Variants in CNBD1 observed in about 807,000 individuals in gnomAD.
CNBD1 encodes the protein cyclic nucleotide binding domain containing 1.
Under a neutral mutation model 54.4 loss-of-function variants are expected in CNBD1, and 71 were observed. That is an observed-to-expected ratio of 1.30 (90% CI 1.08 to 1.59). The LOEUF (loss-of-function observed/expected upper bound fraction) is 1.59, where lower values mean the gene tolerates loss of function less well. CNBD1 is among the 40% of genes most tolerant of loss of function. The probability of loss-of-function intolerance (pLI) is 0.00; values close to 1 mark genes in which losing one functional copy is unlikely to be tolerated. For missense variants in CNBD1, 659 were observed against 518.0 expected, an observed-to-expected ratio of 1.27 and a Z score of -2.64; for synonymous variants, 182 against 170.7, an observed-to-expected ratio of 1.07 and a Z score of -0.51.
intron 8 of CNBD1, among the ~76,000 whole-genome samples, chr8:87,314,500 G>C (rs1212507806): frequency 6.6e-6 from 1 of 151,834 alleles, no homozygotes; most frequent in African/African-American, 2.4e-5. Context: ...AAAGAAGTCA[G>C]CTACATTCTT....
intron 8 of CNBD1, among the ~76,000 whole-genome samples, chr8:87,346,912 G>A (rs1377368606): frequency 6.6e-6 from 1 of 152,148 alleles, no homozygotes; most frequent in African/African-American, 2.4e-5. Context: ...CCAATATCAT[G>A]AGTGAGAAAT....
chr8:87,045,834 C>G (rs34584589), intron 4 of CNBD1, among the ~76,000 whole-genome samples: 15,989 of 150,426 alleles, frequency 0.11, 1,577 homozygotes, highest in African/African-American at 0.27. Context: ...GAGGTCAGGA[C>G]ATTGAGACCA....
intron 4 of CNBD1, among the ~76,000 whole-genome samples, chr8:86,964,903 A>G (rs1563839932): frequency 6.6e-6 from 1 of 152,134 alleles, no homozygotes; most frequent in Non-Finnish European, 1.5e-5. Context: ...AAAATAGTCC[A>G]AGGTCCCTTC....
chr8:87,015,852 G>A (rs924650900), intron 4 of CNBD1, among the ~76,000 whole-genome samples: 3 of 151,720 alleles, frequency 2.0e-5, no homozygotes, highest in African/African-American at 4.8e-5. Context: ...GTGGTGGTGG[G>A]TACCTGTAAT....
intron 4 of CNBD1, among the ~76,000 whole-genome samples, chr8:87,012,609 G>A (rs1255301367): frequency 6.6e-6 from 1 of 152,032 alleles, no homozygotes; most frequent in Non-Finnish European, 1.5e-5. Flanking sequence ...ACCCTTTTAA[G>A]TCCTATAAAA....
intron 6 of CNBD1, among the ~76,000 whole-genome samples, chr8:87,248,235 G>A (rs1200468913): frequency 6.6e-6 from 1 of 152,156 alleles, no homozygotes; most frequent in Non-Finnish European, 1.5e-5. Flanking sequence ...TCTAGCAATT[G>A]TGCCTCAATA....
At chr8:87,268,766 T>A (rs905603911) in intron 6 of CNBD1, among the ~76,000 whole-genome samples, 4 of 152,150 alleles carry the variant, frequency 2.6e-5, no homozygotes, top group African/African-American at 7.2e-5. Context: ...TTGCCCATTT[T>A]TAATGGGGTT....
At chr8:87,127,903 A>G (rs1442188715) in intron 4 of CNBD1, among the ~76,000 whole-genome samples, 2 of 152,088 alleles carry the variant, frequency 1.3e-5, no homozygotes, top group African/African-American at 4.8e-5. Context: ...TCATGTCCCA[A>G]AGTTGCCTTT....
intron 2 of CNBD1, among the ~76,000 whole-genome samples, chr8:87,410,281 A>G (rs1337201872): frequency 1.3e-5 from 2 of 152,190 alleles, no homozygotes; most frequent in Non-Finnish European, 2.9e-5. Flanking sequence ...TTTTCAAGTC[A>G]TATTATTTAA....
At chr8:87,147,704 AT>A in intron 4 of CNBD1, among the ~76,000 whole-genome samples, 1 of 152,112 alleles carries the variant, frequency 6.6e-6, no homozygotes, top group South Asian at 2.1e-4. Context: ...GATTTAGCCT[AT>A]TTTTTTAGTA....
intron 4 of CNBD1, among the ~76,000 whole-genome samples, chr8:87,083,587 T>TTC (rs1811040332): frequency 1.0e-5 from 1 of 96,958 alleles, no homozygotes. Flanking sequence ...ATGTATTTCT[T>TTC]TTTTTTTTTT....
chr8:87,278,072 A>T (rs529127574), intron 6 of CNBD1, among the ~76,000 whole-genome samples: 1 of 151,730 alleles, frequency 6.6e-6, no homozygotes, highest in South Asian at 2.1e-4. Context: ...AGTTATTAGC[A>T]GATTAGACAC....
At position 86,911,785 on chromosome 8, in the gene CNBD1, C is replaced by T. The variant is rs538432706; in HGVS notation, c.272+6591C>T. 1.1e-4 allele frequency among the ~76,000 whole-genome samples: 17 copies of T among 151,896 alleles called. No individual in the cohort carries two copies. The South Asian group carries it at 2.5e-3, about 22-fold the overall frequency. On this transcript the variant is annotated intron_variant, in intron 3 of 10. Transcript: ENST00000518476. ...ATAAAATTGCAGGATACAAGAGCAA[C>T]GTAAAAAATCAGTAGCATTTATATA...
intron 4 of CNBD1, among the ~76,000 whole-genome samples, chr8:87,032,764 A>C (rs1809822781): frequency 6.6e-6 from 1 of 152,228 alleles, no homozygotes; most frequent in Non-Finnish European, 1.5e-5. Context: ...AATGTCATAA[A>C]AGAGTAAAAA....
intron 6 of CNBD1, among the ~76,000 whole-genome samples, chr8:87,283,640 T>C (rs573132936): frequency 5.3e-5 from 8 of 152,250 alleles, no homozygotes; most frequent in Admixed American, 2.0e-4. Context: ...TCCAGTTTCA[T>C]GGCTAGATAG....
intron 8 of CNBD1, among the ~76,000 whole-genome samples, chr8:87,327,890 C>T (rs1240068307): frequency 6.6e-6 from 1 of 151,992 alleles, no homozygotes; most frequent in African/African-American, 2.4e-5. Context: ...TATCTTTAAT[C>T]CATTTTTGAG....
chr8:87,399,233 C>T (rs1811458300), intron 2 of CNBD1, among the ~76,000 whole-genome samples: 2 of 151,986 alleles, frequency 1.3e-5, no homozygotes, highest in South Asian at 4.2e-4. Flanking sequence ...ACATGGTACT[C>T]AATAAGTAAG....
chr8:87,256,000 TATATATA>T (rs1808006003), intron 6 of CNBD1, among the ~76,000 whole-genome samples: 1 of 16,708 alleles, frequency 6.0e-5, no homozygotes, highest in African/African-American at 2.9e-4. Context: ...TATATATATA[TATATATA>T]TATATATATT....
At chr8:87,191,883 G>C (rs1563502111) in intron 4 of CNBD1, among the ~76,000 whole-genome samples, 1 of 152,008 alleles carries the variant, frequency 6.6e-6, no homozygotes, top group Non-Finnish European at 1.5e-5. Flanking sequence ...AAAATCTGTG[G>C]AAAACCTTTC....
Sources: gnomAD v4.1 joint callset for allele counts (sites outside exome capture counted in the v4.1 genomes callset) on GRCh38, gnomAD v4.1.1 for gene constraint, MANE v1.5 for transcripts, NCBI Gene and HGNC (gene_info 2026-07-23, HGNC 2026-07-21) for gene names.